Variants in SLC39A10 observed in about 807,000 individuals in gnomAD.
SLC39A10 encodes the protein solute carrier family 39 member 10.
In SLC39A10, 13 loss-of-function variants were observed where a neutral mutation model predicts 65.1. The ratio of observed to expected loss-of-function variants is 0.20; its 90% CI spans 0.13 to 0.32. The LOEUF is 0.32. Among genes scored for constraint, SLC39A10 ranks in the 10% least tolerant of loss-of-function variants. The pLI is 1.00. For synonymous variants in SLC39A10, 321 were observed against 342.2 expected (o/e 0.94, Z 0.68); for missense variants, 831 against 1,018.4 (o/e 0.82, Z 2.50).
chr2:195,733,946 A>G (rs1287883586), intron 9 of SLC39A10, among the ~76,000 whole-genome samples: 2 of 152,092 alleles, frequency 1.3e-5, no homozygotes, highest in African/African-American at 2.4e-5. Context: ...ACTTGGTACT[A>G]GTTATGCTGG....
intron 3 of SLC39A10, among the ~76,000 whole-genome samples, chr2:195,703,342 A>G (rs922073283): frequency 2.6e-5 from 4 of 152,332 alleles, no homozygotes; most frequent in South Asian, 4.1e-4. Flanking sequence ...AACTCTGTCA[A>G]TCAAGGCAAT....
intron 2 of SLC39A10, among the ~76,000 whole-genome samples, chr2:195,642,303 A>G (rs192818091): frequency 1.2e-4 from 18 of 152,308 alleles, no homozygotes; most frequent in Admixed American, 2.6e-4. Flanking sequence ...AATTGTAAGG[A>G]ATCTGTAACA....
Position 195,680,532 on chromosome 2 carries a change from G to T in SLC39A10, c.490G>T (p.Val164Leu), listed in dbSNP as rs749320402. The change falls in exon 2 of 10, where the codon GTA becomes TTA. Residue 164 changes from valine (V) to leucine (L), a missense_variant. Around this residue, in one of 4 missense-constraint regions of SLC39A10, gnomAD observed 446 missense variants for 499.2 expected, o/e 0.89. Transcript: ENST00000359634. The part of the protein sequence containing the change: ...DPEKETVEVS[V>L]KSDDKHMHDH... Reference sequence around the variant, plus strand: ...AGAGAAAGAGACAGTTGAAGTGTCTGTAAAATCTGATGATAAACATATGCA... The same window carrying T: ...AGAGAAAGAGACAGTTGAAGTGTCTTTAAAATCTGATGATAAACATATGCA... The T allele has an allele frequency of 1.2e-6, 2 of 1,614,174 alleles. No individual in the cohort carries two copies. The highest frequency in any genetic ancestry group is 1.1e-5 in the South Asian group (1 of 91,070).
In SLC39A10 at chr2:195,690,366, C is replaced by A. The variant is rs555117542; in HGVS notation, c.1216+6460C>A. Among the ~76,000 whole-genome samples the A allele has an allele frequency of 2.0e-5, 3 of 152,002 alleles. No individual in the cohort carries two copies. The East Asian group carries it at 5.8e-4, about 29-fold the overall frequency. On this transcript the variant is annotated intron_variant, in intron 3 of 9. Coordinates refer to ENST00000359634, the MANE Select transcript of SLC39A10 (RefSeq NM_020342.3). ...GGCATCTCTCTCTCTCTCTCTGAGA[C>A]CCTGTTTTAAATTCTTTTGGTTATA...
intron 2 of SLC39A10, among the ~76,000 whole-genome samples, chr2:195,616,183 G>C (rs1324253608): frequency 1.3e-5 from 2 of 152,172 alleles, no homozygotes; most frequent in African/African-American, 4.8e-5. Flanking sequence ...TTGAACTCCT[G>C]ACCTCATGTG....
chr2:195,728,374 G>T lies in SLC39A10; in HGVS notation c.2337+25G>T. Reference sequence around the variant, plus strand: ...GGTAAGATATTTTATATTTTTTTGTGGTACTAAACCTGCAAATGAAAGAAA... The same window carrying T: ...GGTAAGATATTTTATATTTTTTTGTTGTACTAAACCTGCAAATGAAAGAAA... On this transcript the variant is annotated intron_variant, in intron 9 of 9. Coordinates refer to ENST00000359634, the MANE Select transcript of SLC39A10 (RefSeq NM_020342.3). The surrounding 1 kb of genome is among the most constrained non-coding windows in gnomAD (Gnocchi z 4.4). The T allele has an allele frequency of 6.3e-7, 1 of 1,593,822 alleles. No homozygotes were observed. Among genetic ancestry groups the T allele is most frequent in the Non-Finnish European group, 8.6e-7 (1 of 1,167,052 alleles).
chr2:195,682,134 G>A (rs1194812820), intron 2 of SLC39A10, among the ~76,000 whole-genome samples: 1 of 152,070 alleles, frequency 6.6e-6, no homozygotes, highest in Non-Finnish European at 1.5e-5. Context: ...TTCACCTTAA[G>A]CACATTCATT....
chr2:195,626,954 A>G (rs1688486696), intron 2 of SLC39A10, among the ~76,000 whole-genome samples: 1 of 152,188 alleles, frequency 6.6e-6, no homozygotes, highest in Admixed American at 6.5e-5. Context: ...CTCTCCTTGC[A>G]CATAAATGTC....
chr2:195,696,383 C>G (rs779733633), intron 3 of SLC39A10, among the ~76,000 whole-genome samples: 4 of 150,638 alleles, frequency 2.7e-5, no homozygotes, highest in Non-Finnish European at 4.4e-5. Flanking sequence ...TGTAAATCAA[C>G]TTGGGCAGCA....
chr2:195,614,938 C>T (rs76042750), intron 2 of SLC39A10, among the ~76,000 whole-genome samples: 20 of 151,962 alleles, frequency 1.3e-4, no homozygotes, highest in Admixed American at 5.9e-4. Flanking sequence ...GTGGTCCTAG[C>T]TACTCGAGAG....
intron 2 of SLC39A10, among the ~76,000 whole-genome samples, chr2:195,642,129 G>A (rs1429525442): frequency 1.3e-5 from 2 of 152,108 alleles, no homozygotes; most frequent in African/African-American, 2.4e-5. Context: ...TCTATGCATG[G>A]GAGGACCTGA....
intron 3 of SLC39A10, among the ~76,000 whole-genome samples, chr2:195,701,676 G>GT (rs992451802): frequency 8.0e-5 from 12 of 150,576 alleles, no homozygotes; most frequent in South Asian, 4.3e-4. Flanking sequence ...ATTTTCACAG[G>GT]TTTTTTTTGT....
At chr2:195,676,665 G>C (rs1559028443) in intron 1 of SLC39A10, among the ~76,000 whole-genome samples, 1 of 152,124 alleles carries the variant, frequency 6.6e-6, no homozygotes, top group Non-Finnish European at 1.5e-5. Context: ...ATCTACCCCT[G>C]TGCTAGTTCT....
At chr2:195,637,268 A>G (rs1231177993) in intron 2 of SLC39A10, among the ~76,000 whole-genome samples, 1 of 152,214 alleles carries the variant, frequency 6.6e-6, no homozygotes, top group East Asian at 1.9e-4. Context: ...GCATGTAGAA[A>G]GTGGACAGAG....
At chr2:195,699,897 A>G (rs904266437) in intron 3 of SLC39A10, among the ~76,000 whole-genome samples, 2 of 152,236 alleles carry the variant, frequency 1.3e-5, no homozygotes, top group Admixed American at 6.5e-5. Context: ...TCTCCCGTCA[A>G]TTGTGACAGT....
intron 9 of SLC39A10, among the ~76,000 whole-genome samples, chr2:195,729,322 A>G (rs1270198938): frequency 6.6e-6 from 1 of 152,144 alleles, no homozygotes; most frequent in Non-Finnish European, 1.5e-5. Flanking sequence ...CCTATTTATC[A>G]TAGAAGGTTT....
At position 195,737,085 on chromosome 2, in the gene SLC39A10, A is replaced by T. The variant is rs1438644743; in HGVS notation, c.*2044A>T. On this transcript the variant is annotated 3_prime_UTR_variant, in exon 10 of 10. Transcript: ENST00000359634. ...TAGGTTATGCTGAAGTATATAAAGAAGTTTTATATTCTCTCAAAAATGGTA... is the reference window on the plus strand; with the variant it reads ...TAGGTTATGCTGAAGTATATAAAGATGTTTTATATTCTCTCAAAAATGGTA... 1 of 152,586 alleles carries T rather than the reference A, an allele frequency of 6.6e-6. No individual in the cohort carries two copies. Among genetic ancestry groups the T allele is most frequent in the African/African-American group, 2.4e-5 (1 of 41,456 alleles). The allele number at this position is 152,586 out of a possible 1,614,324, so 9.5% of individuals were successfully genotyped here. A position where few individuals can be genotyped will look rare whatever the true frequency, so the allele number is the denominator to read the frequency against.
chr2:195,657,408 G>C, intron 1 of SLC39A10, 127 bp downstream of exon 1: 1 of 985,698 alleles, frequency 1.0e-6, no homozygotes, highest in South Asian at 4.7e-5. Flanking sequence ...GTCGGGGCTG[G>C]TTCCCTCGGG....
At position 195,632,290 on chromosome 2, in the gene SLC39A10, C is replaced by CTTTTTTTTTTTTT. The variant is rs202193660; in HGVS notation, c.-12+26072_-12+26084dup. Reference sequence around the variant, plus strand: ...AGGTCACCAGCTCTCATTCTACTTCCTTTTTTTTTTTTTTTTTTTTTTTTT... The same window carrying CTTTTTTTTTTTTT: ...AGGTCACCAGCTCTCATTCTACTTCCTTTTTTTTTTTTTTTTTTTTTTTTTTTTTTTTTTTTTT... On this transcript the variant is annotated intron_variant, in intron 2 of 2. Transcript: ENST00000458054. Among the ~76,000 whole-genome samples, 38 of 69,222 alleles carry CTTTTTTTTTTTTT rather than the reference C, an allele frequency of 5.5e-4. 7 individuals are homozygous for CTTTTTTTTTTTTT. Among genetic ancestry groups the CTTTTTTTTTTTTT allele is most frequent in the African/African-American group, 2.3e-3 (36 of 15,950 alleles). The allele number at this position is 69,222 out of a possible 152,430, so 45.4% of individuals were successfully genotyped here. A position where few individuals can be genotyped will look rare whatever the true frequency, so the allele number is the denominator to read the frequency against.
Sources: gnomAD v4.1 joint callset for allele counts (sites outside exome capture counted in the v4.1 genomes callset) on GRCh38, gnomAD v4.1.1 for gene constraint, gnomAD v4.1.1 regional missense constraint, Gnocchi (gnomAD v3.1) non-coding constraint, MANE v1.5 for transcripts, NCBI Gene and HGNC (gene_info 2026-07-23, HGNC 2026-07-21) for gene names.